OTUD5: variants seen among roughly 807,000 people sequenced by gnomAD.
The protein encoded by OTUD5 is OTU domain-containing protein 5.
Under a neutral mutation model 36.3 loss-of-function variants are expected in OTUD5, and 2 were observed. That is an observed-to-expected ratio of 0.06 (90% CI 0.02 to 0.17). The LOEUF (loss-of-function observed/expected upper bound fraction) is 0.17. Ranked by LOEUF, OTUD5 falls within the 10% of genes least tolerant of loss-of-function variation. The pLI is 1.00. For synonymous variants in OTUD5, 234 were observed against 214.9 expected, an observed-to-expected ratio of 1.09 and a Z score of -0.78; for missense variants, 233 against 512.3, an observed-to-expected ratio of 0.45 and a Z score of 5.26.
chrX:48,927,308 G>A (rs1474403964), intron 5 of OTUD5, among the ~76,000 whole-genome samples: 1 of 110,726 alleles, frequency 9.0e-6, no homozygotes, highest in African/African-American at 3.3e-5. Context: ...AGCAAGCAGC[G>A]GACACCTGGT....
chrX:48,923,435 G>C (rs1286862801), intron 8 of OTUD5, 140 bp from the exon 9 acceptor site: 2 of 581,780 alleles, frequency 3.4e-6, no homozygotes, highest in Non-Finnish European at 5.5e-6. Flanking sequence ...GGATCTGCTA[G>C]GCCTGTGAAA....
chrX:48,952,656 G>T (rs1183719634), intron 1 of OTUD5, among the ~76,000 whole-genome samples: 2 of 111,923 alleles, frequency 1.8e-5, no homozygotes, highest in Non-Finnish European at 3.8e-5. Context: ...AGAGCAATGA[G>T]TCCAACCTCC....
intron 2 of OTUD5, among the ~76,000 whole-genome samples, chrX:48,938,794 G>A (rs1317488534): frequency 8.9e-6 from 1 of 111,945 alleles, no homozygotes; most frequent in African/African-American, 3.3e-5. Context: ...CAGGGCTGGG[G>A]GCCAGGCTTG....
intron 5 of OTUD5, 73 bp from the exon 6 acceptor site, chrX:48,926,123 G>A (rs782714121): frequency 9.6e-5 from 82 of 853,185 alleles, no homozygotes; most frequent in Non-Finnish European, 1.4e-4. Flanking sequence ...CAGGCTCAGC[G>A]AGGTAGGCCC....
chrX:48,925,778 C>T, intron 6 of OTUD5, 69 bp downstream of exon 6: 1 of 945,284 alleles, frequency 1.1e-6, no homozygotes, highest in Non-Finnish European at 1.5e-6. Flanking sequence ...TTTTTTTCTG[C>T]TCGCTTGAGG....
intron 2 of OTUD5, among the ~76,000 whole-genome samples, chrX:48,937,788 G>GA (rs1343607965): frequency 3.6e-5 from 4 of 112,459 alleles, no homozygotes; most frequent in Non-Finnish European, 7.5e-5. Context: ...CAAGAAACAG[G>GA]AACACAATTT....
intron 5 of OTUD5, among the ~76,000 whole-genome samples, chrX:48,927,499 T>C (rs2063685074): frequency 8.9e-6 from 1 of 111,984 alleles, no homozygotes; most frequent in African/African-American, 3.2e-5. Flanking sequence ...GGGGTTCAAC[T>C]AACTTGCTAG....
At position 48,922,328 on chromosome X, in the gene OTUD5, T is replaced by C. The variant is rs781898147; in HGVS notation, c.*846A>G. 4 of 129,270 alleles carry C rather than the reference T, an allele frequency of 3.1e-5. No individual in the cohort carries two copies. The highest frequency in any genetic ancestry group is 1.3e-4 in the African/African-American group (4 of 30,926). The allele number at this position is 129,270 out of a possible 1,213,427, so 10.7% of individuals were successfully genotyped here. A position where few individuals can be genotyped will look rare whatever the true frequency, so the allele number is the denominator to read the frequency against. ...TGCTCCCACACTCCCTACACTCAAA[T>C]CCCGGGTGGCAGCCATAATCCCCAA... is the stretch of plus-strand genomic sequence containing the variant. On this transcript the variant is annotated 3_prime_UTR_variant, in exon 9 of 9. Transcript: ENST00000376488.
At chrX:48,935,542 G>A (rs1557049764) in intron 2 of OTUD5, among the ~76,000 whole-genome samples, 1 of 110,992 alleles carries the variant, frequency 9.0e-6, no homozygotes, top group African/African-American at 3.3e-5. Context: ...AAAAAAAAAT[G>A]GGCTCCAAGC....
intron 6 of OTUD5, among the ~76,000 whole-genome samples, chrX:48,924,422 C>T (rs1282516113): frequency 3.6e-5 from 4 of 111,842 alleles, no homozygotes; most frequent in African/African-American, 1.3e-4. Context: ...CCAGACTCCA[C>T]TGGATGACTA....
Position 48,934,751 on chromosome X carries a change from C to T in OTUD5, c.870G>A (p.Glu290=), listed in dbSNP as rs782267231. The stretch of plus-strand genomic sequence containing the variant: ...ACACCTCCACAGGACGGTTGTACAT[C>T]TCTGCCATGGCCTGCATCTCAATGT... ...GNHIEMQAMA[E]MYNRPVEVYQ... is the part of the protein sequence containing the mutation. The change falls in exon 4 of 9, where the codon GAG becomes GAA. Residue 290 remains glutamate, a synonymous_variant. Transcript: ENST00000376488. The T allele has an allele frequency of 3.9e-5, 47 of 1,209,053 alleles. No homozygotes were observed. In the Admixed American group the frequency reaches 1.0e-3, roughly 26 times the overall value.
chrX:48,955,037 G>A (rs1236152139), intron 1 of OTUD5, among the ~76,000 whole-genome samples: 1 of 111,938 alleles, frequency 8.9e-6, no homozygotes, highest in African/African-American at 3.2e-5. Flanking sequence ...GTGGTAGGAG[G>A]AGAGCCTCAT....
At chrX:48,952,984 G>C (rs1055891724) in intron 1 of OTUD5, among the ~76,000 whole-genome samples, 6 of 112,204 alleles carry the variant, frequency 5.3e-5, no homozygotes, top group Non-Finnish European at 7.5e-5. Context: ...AGGAAGAACC[G>C]GCCAAGGTCC....
intron 2 of OTUD5, among the ~76,000 whole-genome samples, chrX:48,942,146 C>A (rs186146050): frequency 4.7e-5 from 5 of 106,724 alleles, no homozygotes; most frequent in Non-Finnish European, 5.8e-5. Flanking sequence ...ACAAATACTG[C>A]TCTTGATACG....
intron 5 of OTUD5, among the ~76,000 whole-genome samples, chrX:48,927,698 T>C (rs1481783847): frequency 4.5e-5 from 5 of 111,484 alleles, no homozygotes; most frequent in African/African-American, 1.6e-4. Flanking sequence ...CCCAATCCTT[T>C]TGGGATTCTT....
At chrX:48,940,127 T>C (rs1433635580) in intron 2 of OTUD5, 1 of 113,616 alleles carries the variant, frequency 8.8e-6, no homozygotes, top group Non-Finnish European at 1.9e-5. Context: ...CAAGCAGCTG[T>C]GGTGTGACCT....
At chrX:48,941,238 C>T (rs1258139042) in intron 2 of OTUD5, among the ~76,000 whole-genome samples, 6 of 110,070 alleles carry the variant, frequency 5.5e-5, no homozygotes, top group South Asian at 3.9e-4. Context: ...TGAGACCAGC[C>T]TGACCAACAT....
chrX:48,942,232 T>TACACACACAC (rs1484692862), intron 2 of OTUD5, among the ~76,000 whole-genome samples: 45 of 19,803 alleles, frequency 2.3e-3, no homozygotes, highest in East Asian at 8.7e-3. Flanking sequence ...GCTAGCTAGA[T>TACACACACAC]ACACACACAC....
intron 6 of OTUD5, among the ~76,000 whole-genome samples, chrX:48,925,073 T>C (rs1316780361): frequency 6.4e-5 from 7 of 109,814 alleles, no homozygotes; most frequent in Non-Finnish European, 9.5e-5. Context: ...GGTCAGGAGA[T>C]GGAGACCATC....
Sources: allele counts gnomAD v4.1 joint callset (sites outside exome capture counted in the v4.1 genomes callset), GRCh38; gene constraint gnomAD v4.1.1; transcripts MANE v1.5; gene names NCBI Gene and HGNC (gene_info 2026-07-23, HGNC 2026-07-21).